Variants in ZDHHC2 observed in about 807,000 individuals in gnomAD.
The protein encoded by ZDHHC2 is palmitoyltransferase ZDHHC2.
Under a neutral mutation model 55.6 loss-of-function variants are expected in ZDHHC2, and 51 were observed. The ratio of observed to expected loss-of-function variants is 0.92; its 90% CI spans 0.73 to 1.16. The LOEUF is 1.16. ZDHHC2 is among the 50% of genes most tolerant of loss of function. The pLI is 0.00. For missense variants in ZDHHC2, 491 were observed against 442.4 expected (o/e 1.11, Z -0.99); for synonymous variants, 199 against 152.9 (o/e 1.30, Z -2.22).
chr8:17,184,855 G>T, intron 2 of ZDHHC2, 40 bp downstream of exon 2: 3 of 1,485,540 alleles, frequency 2.0e-6, no homozygotes, highest in Non-Finnish European at 1.8e-6. Flanking sequence ...TTTTTAAATA[G>T]TTTGAAAAAA....
At chr8:17,216,949 T>C (rs1258780675) in intron 11 of ZDHHC2, among the ~76,000 whole-genome samples, 1 of 152,148 alleles carries the variant, frequency 6.6e-6, no homozygotes, top group African/African-American at 2.4e-5. Flanking sequence ...TGTCTATTTC[T>C]GTTTTTAGTG....
At position 17,156,626 on chromosome 8, in the gene ZDHHC2, A is replaced by G; in HGVS notation, c.-98A>G. 3 of 979,160 alleles carry G rather than the reference A, an allele frequency of 3.1e-6. No individual in the cohort carries two copies. The highest frequency in any genetic ancestry group is 3.7e-6 in the Non-Finnish European group (3 of 806,594). The allele number at this position is 979,160 out of a possible 1,614,324, so 60.7% of individuals were successfully genotyped here. ...GCCGCAGCGCACCCCGCCGCCGCCCAGGAGCCCGTCCAGCCAGGGGTGCCG... is the reference window on the plus strand; with the variant it reads ...GCCGCAGCGCACCCCGCCGCCGCCCGGGAGCCCGTCCAGCCAGGGGTGCCG... On this transcript the variant is annotated 5_prime_UTR_variant, in exon 1 of 13. Coordinates refer to ENST00000262096, the MANE Select transcript of ZDHHC2 (RefSeq NM_016353.5).
chr8:17,215,342 C>T lies in ZDHHC2; in HGVS notation c.1056C>T (p.Cys352=). ...WTESSINPGK[C]KAGMSNPALT... ...AGAGCAGCATAAACCCAGGAAAATG[C>T]AAAGCTGGTAAGGGTGTGCTTGTTT... Residue 352 remains cysteine, a synonymous_variant, in exon 11 of 13, where the codon TGC becomes TGT. Coordinates refer to ENST00000262096, the MANE Select transcript of ZDHHC2 (RefSeq NM_016353.5). 1.3e-6 allele frequency: 2 copies of T among 1,577,890 alleles called. No homozygotes were observed. Among genetic ancestry groups the T allele is most frequent in the East Asian group, 2.3e-5 (1 of 43,378 alleles).
intron 10 of ZDHHC2, among the ~76,000 whole-genome samples, chr8:17,212,635 T>C (rs1807441817): frequency 6.6e-6 from 1 of 152,210 alleles, no homozygotes; most frequent in Admixed American, 6.5e-5. Flanking sequence ...CTAACTGATG[T>C]AACATTTTTG....
chr8:17,191,563 A>G (rs1012013728), intron 3 of ZDHHC2, among the ~76,000 whole-genome samples: 4 of 152,310 alleles, frequency 2.6e-5, no homozygotes, highest in African/African-American at 7.2e-5. Flanking sequence ...GAGAGCATGC[A>G]AAGTTTGTCT....
intron 1 of ZDHHC2, 118 bp downstream of exon 1, chr8:17,156,971 TGCCGCGTCCCGCCGGCTCC>T: frequency 1.0e-6 from 1 of 971,954 alleles, no homozygotes; most frequent in Non-Finnish European, 1.4e-6. Flanking sequence ...GCTGCCAACC[TGCCGCGTCCCGCCGGCTCC>T]GCCGCTAAAA....
intron 3 of ZDHHC2, 81 bp from the exon 4 acceptor site, chr8:17,195,423 C>A: frequency 1.4e-6 from 2 of 1,443,954 alleles, no homozygotes; most frequent in Middle Eastern, 1.9e-4. Context: ...TTATAAATAC[C>A]CTTTTCCGGG....
intron 1 of ZDHHC2, among the ~76,000 whole-genome samples, chr8:17,177,292 A>G (rs990652469): frequency 6.6e-6 from 1 of 152,138 alleles, no homozygotes; most frequent in Non-Finnish European, 1.5e-5. Context: ...AGGAGGTAAA[A>G]GGAGGTTGGG....
At chr8:17,169,207 G>C (rs1234277997) in intron 1 of ZDHHC2, among the ~76,000 whole-genome samples, 2 of 151,190 alleles carry the variant, frequency 1.3e-5, no homozygotes, top group South Asian at 2.1e-4. Context: ...AGGTATCCAT[G>C]AGATGTATCA....
At chr8:17,210,113 A>C in intron 9 of ZDHHC2, 55 bp downstream of exon 9, 1 of 1,529,556 alleles carries the variant, frequency 6.5e-7, no homozygotes, top group Non-Finnish European at 8.8e-7. Flanking sequence ...ATACAGCAAA[A>C]GATAGTTTCA....
At position 17,211,007 on chromosome 8, in the gene ZDHHC2, C is replaced by T. The variant is rs571180155; in HGVS notation, c.950+527C>T. Among the ~76,000 whole-genome samples, 3 of 152,168 alleles carry T rather than the reference C, an allele frequency of 2.0e-5. No homozygotes were observed. The East Asian group carries it at 5.8e-4, about 29-fold the overall frequency. ...GAGCCATTTCTGTGGAGAGAGAAGC[C>T]AGAGTCTTAGAAATTCATTGTCTGG... is the stretch of plus-strand genomic sequence containing the variant. On this transcript the variant is annotated intron_variant, in intron 10 of 12. Coordinates refer to ENST00000262096, the MANE Select transcript of ZDHHC2 (RefSeq NM_016353.5).
At chr8:17,209,064 AT>A (rs757759246) in intron 8 of ZDHHC2, among the ~76,000 whole-genome samples, 53 of 152,100 alleles carry the variant, frequency 3.5e-4, no homozygotes, top group Admixed American at 2.6e-4. Context: ...AACATTTTAC[AT>A]TTTGTATTTC....
chr8:17,215,512 G>C (rs1010311032), intron 11 of ZDHHC2, among the ~76,000 whole-genome samples, 163 bp downstream of exon 11: 1 of 152,150 alleles, frequency 6.6e-6, no homozygotes, highest in Admixed American at 6.5e-5. Flanking sequence ...TATGAGGTTC[G>C]TTAATAACCT....
intron 2 of ZDHHC2, among the ~76,000 whole-genome samples, chr8:17,185,896 A>T (rs949597161): frequency 6.6e-6 from 1 of 152,240 alleles, no homozygotes; most frequent in Non-Finnish European, 1.5e-5. Context: ...CCAAGCAAAT[A>T]AGCAAACAGC....
chr8:17,185,307 A>G (rs1805653302), intron 2 of ZDHHC2, among the ~76,000 whole-genome samples: 2 of 152,200 alleles, frequency 1.3e-5, no homozygotes, highest in South Asian at 2.1e-4. Flanking sequence ...ACAGAATTAA[A>G]TTGTGTATTA....
chr8:17,190,281 T>TATATACCA (rs1805951916), intron 3 of ZDHHC2, among the ~76,000 whole-genome samples: 2 of 151,676 alleles, frequency 1.3e-5, no homozygotes, highest in South Asian at 4.2e-4. Flanking sequence ...AAGAAAAGAA[T>TATATACCA]ATATACCAAT....
intron 1 of ZDHHC2, among the ~76,000 whole-genome samples, chr8:17,182,762 T>C (rs911116443): frequency 2.0e-5 from 3 of 152,128 alleles, no homozygotes; most frequent in African/African-American, 7.2e-5. Flanking sequence ...CTACACCTTT[T>C]TTTTTGTTGT....
intron 1 of ZDHHC2, among the ~76,000 whole-genome samples, chr8:17,159,174 T>A (rs1804210512): frequency 6.6e-6 from 1 of 152,136 alleles, no homozygotes; most frequent in African/African-American, 2.4e-5. Context: ...CTCCTTTCCT[T>A]TTCACAGACA....
intron 3 of ZDHHC2, among the ~76,000 whole-genome samples, chr8:17,188,694 G>A (rs1414271831): frequency 2.6e-5 from 4 of 152,046 alleles, no homozygotes; most frequent in South Asian, 2.1e-4. Context: ...CCCCAGTGCC[G>A]CAGCTCTCAG....
Sources: gnomAD v4.1 joint callset for allele counts (sites outside exome capture counted in the v4.1 genomes callset) on GRCh38, gnomAD v4.1.1 for gene constraint, MANE v1.5 for transcripts, NCBI Gene and HGNC (gene_info 2026-07-23, HGNC 2026-07-21) for gene names.